Variants in VLDLR observed in about 807,000 individuals in gnomAD.
VLDLR encodes the protein very low-density lipoprotein receptor.
Under a neutral mutation model 112.7 loss-of-function variants are expected in VLDLR, and 81 were observed. The observed-to-expected ratio is 0.72, with a 90% CI of 0.60 to 0.86. The LOEUF (loss-of-function observed/expected upper bound fraction) is 0.86. Among genes scored for constraint, VLDLR ranks in the 40% least tolerant of loss-of-function variants. The pLI, the probability that VLDLR is intolerant of heterozygous loss-of-function variation, is 0.00. For missense variants in VLDLR, 1,237 were observed against 1,099.4 expected, an observed-to-expected ratio of 1.13 and a Z score of -1.77; for synonymous variants, 436 against 384.8, an observed-to-expected ratio of 1.13 and a Z score of -1.56.
intron 14 of VLDLR, 133 bp from the exon 15 acceptor site, chr9:2,650,237 C>T (rs911797364): frequency 9.3e-7 from 1 of 1,079,742 alleles, no homozygotes; most frequent in African/African-American, 1.6e-5. Context: ...ACTGTTCTCA[C>T]TTGAAGGATT....
chr9:2,628,834 TAGTTTTG>T (rs1817213818), intron 1 of VLDLR, among the ~76,000 whole-genome samples: 1 of 152,130 alleles, frequency 6.6e-6, no homozygotes, highest in Non-Finnish European at 1.5e-5. Context: ...TTCTGCAAAA[TAGTTTTG>T]AGGGCTTTAC....
chr9:2,645,873 T>A (rs2130797024), intron 10 of VLDLR, 128 bp downstream of exon 10: 2 of 1,007,506 alleles, frequency 2.0e-6, no homozygotes, highest in South Asian at 1.4e-5. Context: ...CTGGGGACAT[T>A]AAATCTAATG....
At chr9:2,650,275 G>T in intron 14 of VLDLR, 95 bp from the exon 15 acceptor site, 1 of 1,525,148 alleles carries the variant, frequency 6.6e-7, no homozygotes, top group Non-Finnish European at 9.0e-7. Flanking sequence ...TAAGCTCTTG[G>T]GGGCAAGGAC....
chr9:2,652,602 G>T (rs1216520556), intron 17 of VLDLR, among the ~76,000 whole-genome samples, 178 bp from the exon 18 acceptor site: 3 of 152,152 alleles, frequency 2.0e-5, no homozygotes, highest in Admixed American at 1.3e-4. Context: ...AGCTACCTCT[G>T]GGCTGAACTT....
At chr9:2,653,162 A>T (rs1818429378) in intron 18 of VLDLR, among the ~76,000 whole-genome samples, 4 of 152,230 alleles carry the variant, frequency 2.6e-5, no homozygotes, top group Admixed American at 2.6e-4. Context: ...GGGTCAACTT[A>T]AAGTCACCAC....
intron 9 of VLDLR, 126 bp from the exon 10 acceptor site, chr9:2,645,448 A>T: frequency 8.2e-7 from 1 of 1,219,262 alleles, no homozygotes. Context: ...GAACTCCAGA[A>T]CAGATACTAC....
Position 2,646,511 on chromosome 9 carries a change from C to G in VLDLR, c.1662C>G (p.Asp554Glu). 1 of 1,614,144 alleles carries G rather than the reference C, an allele frequency of 6.2e-7. No homozygotes were observed. The highest frequency in any genetic ancestry group is 1.3e-5 in the African/African-American group (1 of 75,042). Residue 554 changes from aspartate (D) to glutamate (E), a missense_variant, in exon 11 of 19, where the codon GAC (aspartate) becomes GAG (glutamate). Transcript: ENST00000382100. ...GTKRKFLFNS[D>E]LREPASIAVD... ...AGAGGAAGTTCCTGTTTAACTCTGA[C>G]TTGCGAGAGCCTGCCTCCATAGCTG...
At position 2,635,284 on chromosome 9, in the gene VLDLR, C is replaced by T. The variant is rs760447097; in HGVS notation, c.83-169C>T. ...GTCTTAGCATGCACCCAGCTAAGAA[C>T]GCAATTACTGTCAGTCACTGGCTGA... is the stretch of plus-strand genomic sequence containing the variant. On this transcript the variant is annotated intron_variant, in intron 1 of 18. Coordinates refer to ENST00000382100, the MANE Select transcript of VLDLR (RefSeq NM_003383.5). 5.3e-5 allele frequency among the ~76,000 whole-genome samples: 8 copies of T among 152,130 alleles called. No homozygotes were observed. In the South Asian group the frequency reaches 8.3e-4, roughly 16 times the overall value.
intron 7 of VLDLR, 78 bp downstream of exon 7, chr9:2,644,037 C>G (rs904476895): frequency 1.2e-6 from 2 of 1,603,158 alleles, no homozygotes; most frequent in African/African-American, 2.7e-5. Flanking sequence ...GTGGACCCCC[C>G]GTGATGGCTA....
intron 2 of VLDLR, among the ~76,000 whole-genome samples, chr9:2,635,960 A>G (rs896652831): frequency 1.3e-5 from 2 of 152,162 alleles, no homozygotes; most frequent in African/African-American, 4.8e-5. Flanking sequence ...AGAAAATCCC[A>G]TAAAGTTTCA....
At chr9:2,645,185 C>G (rs1818013923) in intron 9 of VLDLR, 103 bp downstream of exon 9, 3 of 1,554,874 alleles carry the variant, frequency 1.9e-6, no homozygotes, top group Non-Finnish European at 1.8e-6. Flanking sequence ...TGAAATTGTA[C>G]TTGAGAACAA....
At position 2,622,079 on chromosome 9, in the gene VLDLR, C is replaced by T. The variant is rs374367278; in HGVS notation, c.-111C>T. On this transcript the variant is annotated 5_prime_UTR_variant, in exon 1 of 19. Coordinates refer to ENST00000382100, the MANE Select transcript of VLDLR (RefSeq NM_003383.5). ...CCAACTCCTTCCCCTCCTTCTCCCC[C>T]TTTCCCCTCCCCGCCCCCACCTTCT... 351 of 1,116,726 alleles carry T rather than the reference C, an allele frequency of 3.1e-4. No homozygotes were observed. The African/African-American group carries it at 3.9e-3, about 13-fold the overall frequency. The allele number at this position is 1,116,726 out of a possible 1,614,324, so 69.2% of individuals were successfully genotyped here.
chr9:2,638,120 T>C (rs758825499), intron 2 of VLDLR, among the ~76,000 whole-genome samples: 7 of 152,160 alleles, frequency 4.6e-5, no homozygotes, highest in Non-Finnish European at 1.0e-4. Context: ...ACACAGACCT[T>C]GAATAGCACT....
At position 2,631,758 on chromosome 9, in the gene VLDLR, C is replaced by T. The variant is rs77746128; in HGVS notation, c.83-3695C>T. ...CGTCAATGACTGTAGTTAACAAAAA[C>T]GTGCTCGCGTGATGGACACCCTAAA... On this transcript the variant is annotated intron_variant, in intron 1 of 18. Coordinates refer to ENST00000382100, the MANE Select transcript of VLDLR (RefSeq NM_003383.5). Among the ~76,000 whole-genome samples the T allele has an allele frequency of 6.8e-3, 1,037 of 152,206 alleles. 15 individuals carry two copies. Among genetic ancestry groups the T allele is most frequent in the African/African-American group, 0.024 (998 of 41,544 alleles).
At chr9:2,630,477 A>G (rs1817299965) in intron 1 of VLDLR, among the ~76,000 whole-genome samples, 2 of 152,178 alleles carry the variant, frequency 1.3e-5, no homozygotes, top group South Asian at 4.1e-4. Flanking sequence ...GTGTGGCAGC[A>G]TGAGCCTCTG....
chr9:2,646,269 A>T (rs35037163), intron 10 of VLDLR, 65 bp from the exon 11 acceptor site: 18 of 1,534,036 alleles, frequency 1.2e-5, no homozygotes, highest in Non-Finnish European at 1.6e-5. Flanking sequence ...TGTAAGCAAA[A>T]AGTCCATTCT....
At chr9:2,635,274 C>CA (rs1418723702) in intron 1 of VLDLR, among the ~76,000 whole-genome samples, 179 bp from the exon 2 acceptor site, 2 of 152,152 alleles carry the variant, frequency 1.3e-5, no homozygotes, top group Non-Finnish European at 2.9e-5. Flanking sequence ...AGCATGCACC[C>CA]AGCTAAGAAC....
rs767702608 is a variant in VLDLR, at chr9:2,645,754, C to A, written c.1484+9C>A. 1 of 1,614,086 alleles carries A rather than the reference C, an allele frequency of 6.2e-7. No homozygotes were observed. The highest frequency in any genetic ancestry group is 8.5e-7 in the Non-Finnish European group (1 of 1,180,012). ...CAAAAGGCTATCTTCAGGTAACTTT[C>A]AGTTCCTTTTGTGGTGTCTTGACAT... On this transcript the variant is annotated intron_variant, in intron 10 of 18. Coordinates refer to ENST00000382100, the MANE Select transcript of VLDLR (RefSeq NM_003383.5).
chr9:2,656,999 T>TG lies in VLDLR; in HGVS notation c.*3132dup, dbSNP rs1563773077. The stretch of plus-strand genomic sequence containing the variant: ...AGGCTTTCACTTTGGCATTTGCTTC[T>TG]GTTCCTTGTATCTGTGGAAGTCAAG... On this transcript the variant is annotated 3_prime_UTR_variant, in exon 19 of 19. Transcript: ENST00000382100. 6.6e-6 allele frequency: 1 copy of TG among 150,766 alleles called. No homozygotes were observed. The highest frequency in any genetic ancestry group is 2.0e-4 in the East Asian group (1 of 5,076). 9.3% of individuals were successfully genotyped at this position (150,766 alleles called of 1,614,324 possible). A position where few individuals can be genotyped will look rare whatever the true frequency, so the allele number is the denominator to read the frequency against.
Sources: allele counts gnomAD v4.1 joint callset (sites outside exome capture counted in the v4.1 genomes callset), GRCh38; gene constraint gnomAD v4.1.1; transcripts MANE v1.5; gene names NCBI Gene and HGNC (gene_info 2026-07-23, HGNC 2026-07-21).